KPNA1: variants seen among roughly 807,000 people sequenced by gnomAD.
KPNA1 encodes the protein karyopherin subunit alpha 1, also known as importin subunit alpha-5.
KPNA1 carries 10 observed loss-of-function variants against 70.5 expected under a neutral mutation model. The observed-to-expected ratio is 0.14, with a 90% CI of 0.09 to 0.24. The LOEUF is 0.24. Ranked by LOEUF, KPNA1 falls within the 10% of genes least tolerant of loss-of-function variation. The probability of loss-of-function intolerance (pLI) is 1.00; values close to 1 mark genes in which losing one functional copy is unlikely to be tolerated. For synonymous variants in KPNA1, 192 were observed against 221.9 expected, an observed-to-expected ratio of 0.87 and a Z score of 1.20; for missense variants, 397 against 637.9, an observed-to-expected ratio of 0.62 and a Z score of 4.07.
At chr3:122,475,640 T>A (rs890284119) in intron 2 of KPNA1, among the ~76,000 whole-genome samples, 10 of 152,062 alleles carry the variant, frequency 6.6e-5, no homozygotes, top group African/African-American at 1.9e-4. Flanking sequence ...GGGAAGCCAA[T>A]CCCCTACGCA....
At chr3:122,440,050 A>C (rs1187222142) in intron 10 of KPNA1, among the ~76,000 whole-genome samples, 1 of 152,228 alleles carries the variant, frequency 6.6e-6, no homozygotes, top group Non-Finnish European at 1.5e-5. Flanking sequence ...ATAGGTCAGA[A>C]GTAGATGTAG....
In KPNA1 at chr3:122,424,584, CTT is replaced by C. The variant is rs780589111; in HGVS notation, c.*2399_*2400del. 1 of 152,640 alleles carries C rather than the reference CTT, an allele frequency of 6.6e-6. No homozygotes were observed. Among genetic ancestry groups the C allele is most frequent in the Middle Eastern group, 3.2e-3 (1 of 316 alleles). 9.5% of individuals were successfully genotyped at this position (152,640 alleles called of 1,614,324 possible). A position where few individuals can be genotyped will look rare whatever the true frequency, so the allele number is the denominator to read the frequency against. On this transcript the variant is annotated 3_prime_UTR_variant, in exon 14 of 14. Transcript: ENST00000344337. The stretch of plus-strand genomic sequence containing the variant: ...AAATAGATCACGTCAGTTAAATAGA[CTT>C]TGTTTTAATTCACTCACTGAAACAT...
At chr3:122,439,378 T>C (rs963029120) in intron 10 of KPNA1, among the ~76,000 whole-genome samples, 13 of 151,862 alleles carry the variant, frequency 8.6e-5, no homozygotes, top group African/African-American at 3.1e-4. Context: ...TTTTTAGAGA[T>C]GGGGTCTTGC....
At chr3:122,436,040 C>A (rs2075981651) in intron 11 of KPNA1, among the ~76,000 whole-genome samples, 1 of 152,182 alleles carries the variant, frequency 6.6e-6, no homozygotes, top group Non-Finnish European at 1.5e-5. Context: ...TTACTGAATT[C>A]TTTTTCTCAG....
chr3:122,499,007 TTTAA>T (rs1343376539), intron 1 of KPNA1, among the ~76,000 whole-genome samples: 1 of 152,230 alleles, frequency 6.6e-6, no homozygotes, highest in Non-Finnish European at 1.5e-5. Flanking sequence ...ATGAAATTGT[TTTAA>T]TTCTCAGACT....
chr3:122,428,941 A>G (rs1244811711), intron 12 of KPNA1, among the ~76,000 whole-genome samples: 1 of 152,226 alleles, frequency 6.6e-6, no homozygotes, highest in Non-Finnish European at 1.5e-5. Context: ...TTACAGACTA[A>G]TATGTCTCAT....
Position 122,453,951 on chromosome 3 carries a change from C to G in KPNA1, c.483G>C (p.Gln161His), listed in dbSNP as rs1349514246. Residue 161 changes from glutamine to histidine, a missense_variant, in exon 6 of 14, where the codon CAG becomes CAC. Transcript: ENST00000344337. ...LTNIASGNSL[Q>H]TRIVIQAGAV... ...CTCCTGCCTGAATCACAATTCGGGT[C>G]TGAAGAGAATTTCCTGAAGCAATAT... 1 of 1,612,302 alleles carries G rather than the reference C, an allele frequency of 6.2e-7. No individual in the cohort carries two copies. Among genetic ancestry groups the G allele is most frequent in the South Asian group, 1.1e-5 (1 of 90,916 alleles).
At position 122,481,506 on chromosome 3, in the gene KPNA1, G is replaced by A. The variant is rs575369554; in HGVS notation, c.130-14077C>T. On this transcript the variant is annotated intron_variant, in intron 2 of 13. Transcript: ENST00000344337. The stretch of plus-strand genomic sequence containing the variant: ...GAGACAGAAAGTAGATAAGGGTTGA[G>A]GGGTCCTAAGCGGGGAGCAGAGGGA... Among the ~76,000 whole-genome samples the A allele has an allele frequency of 1.1e-4, 16 of 152,336 alleles. No homozygotes were observed. In the South Asian group the frequency reaches 2.7e-3, roughly 26 times the overall value.
intron 2 of KPNA1, among the ~76,000 whole-genome samples, chr3:122,484,501 G>A (rs1018024613): frequency 4.6e-5 from 7 of 152,124 alleles, no homozygotes; most frequent in African/African-American, 1.7e-4. Flanking sequence ...TCAAAAATTA[G>A]CTGGCATGGT....
rs746605288 is a variant in KPNA1, at chr3:122,459,717, G to A, written c.432+1507C>T. The A allele has an allele frequency of 6.1e-6, 6 of 985,330 alleles. No homozygotes were observed. In the East Asian group the frequency reaches 5.7e-4, roughly 93 times the overall value. The allele number at this position is 985,330 out of a possible 1,614,324, so 61.0% of individuals were successfully genotyped here. On this transcript the variant is annotated intron_variant, in intron 5 of 13. Coordinates refer to ENST00000344337, the MANE Select transcript of KPNA1 (RefSeq NM_002264.4). ...AGAACCTTAATTCAAATGAGCATGG[G>A]AACTGGTAAGTGTCAAACTGGAGAA...
At chr3:122,454,557 T>C (rs909084538) in intron 5 of KPNA1, among the ~76,000 whole-genome samples, 11 of 152,158 alleles carry the variant, frequency 7.2e-5, no homozygotes, top group African/African-American at 2.2e-4. Context: ...TTTAAAAACT[T>C]CTGTAGAATG....
At chr3:122,434,991 A>G (rs2075965786) in intron 11 of KPNA1, among the ~76,000 whole-genome samples, 1 of 152,222 alleles carries the variant, frequency 6.6e-6, no homozygotes, top group Non-Finnish European at 1.5e-5. Context: ...TATACCTGTG[A>G]AGGACGTCAA....
At chr3:122,445,888 C>G (rs2076130621) in intron 9 of KPNA1, among the ~76,000 whole-genome samples, 1 of 152,040 alleles carries the variant, frequency 6.6e-6, no homozygotes, top group Non-Finnish European at 1.5e-5. Context: ...TCTGATAAAA[C>G]AAACTTTAAA....
At chr3:122,459,678 G>T (rs1189065818) in intron 5 of KPNA1, 2 of 985,334 alleles carry the variant, frequency 2.0e-6, no homozygotes, top group African/African-American at 3.5e-5. Flanking sequence ...AATCCAGGAG[G>T]CAGCTAGCAA....
chr3:122,472,071 A>G (rs1285469975), intron 2 of KPNA1, among the ~76,000 whole-genome samples: 1 of 152,206 alleles, frequency 6.6e-6, no homozygotes, highest in African/African-American at 2.4e-5. Flanking sequence ...ACATAATTGA[A>G]CTCAACATTA....
At chr3:122,471,327 A>G (rs1457804071) in intron 2 of KPNA1, among the ~76,000 whole-genome samples, 1 of 152,228 alleles carries the variant, frequency 6.6e-6, no homozygotes, top group Non-Finnish European at 1.5e-5. Context: ...TTGCTTATAC[A>G]ATGTTTTCCT....
chr3:122,467,369 C>T lies in KPNA1; in HGVS notation c.190G>A (p.Asp64Asn). The change falls in exon 3 of 14, where the codon GAT becomes AAT. Residue 64 changes from aspartate to asparagine, a missense_variant. Transcript: ENST00000344337. ...EEETEEEVMS[D>N]GGFHEAQISN... ...ATCTGAGCCTCATGAAAGCCTCCAT[C>T]TGACATAACTTCTTCTTCTGTTTCT... The T allele has an allele frequency of 6.2e-7, 1 of 1,610,462 alleles. No homozygotes were observed. Among genetic ancestry groups the T allele is most frequent in the Non-Finnish European group, 8.5e-7 (1 of 1,177,494 alleles).
intron 11 of KPNA1, among the ~76,000 whole-genome samples, chr3:122,435,514 C>T (rs372249449): frequency 4.6e-5 from 7 of 152,168 alleles, no homozygotes; most frequent in African/African-American, 4.8e-5. Flanking sequence ...TAAAGCCAAT[C>T]GTGCTCAGCA....
intron 1 of KPNA1, among the ~76,000 whole-genome samples, chr3:122,504,759 ACT>A (rs371236888): frequency 2.0e-3 from 309 of 151,998 alleles, no homozygotes; most frequent in African/African-American, 6.7e-3. Flanking sequence ...CACTCCTTTC[ACT>A]CTATTACTTC....
Sources: allele counts gnomAD v4.1 joint callset (sites outside exome capture counted in the v4.1 genomes callset), GRCh38; gene constraint gnomAD v4.1.1; transcripts MANE v1.5; gene names NCBI Gene and HGNC (gene_info 2026-07-23, HGNC 2026-07-21).